SCRG1: variants seen among roughly 807,000 people sequenced by gnomAD.
SCRG1 encodes scrapie-responsive protein 1.
Under a neutral mutation model 7.7 loss-of-function variants are expected in SCRG1, and 3 were observed. The ratio of observed to expected loss-of-function variants is 0.39; its 90% CI spans 0.18 to 1.01. The LOEUF is 1.01. Among genes scored for constraint, SCRG1 ranks in the 50% least tolerant of loss-of-function variants. The pLI is 0.36. For missense variants in SCRG1, 110 were observed against 117.2 expected (o/e 0.94, Z 0.28); for synonymous variants, 46 against 41.2 (o/e 1.12, Z -0.44).
chr4:173,475,138 CAGAA>C, the SCRG1 span, among the ~76,000 whole-genome samples: 1 of 151,836 alleles, frequency 6.6e-6, no homozygotes, highest in African/African-American at 2.4e-5. Context: ...AGGAATGTGA[CAGAA>C]AGAGAAAAAA....
the SCRG1 span, among the ~76,000 whole-genome samples, chr4:173,509,831 G>A: frequency 6.6e-6 from 1 of 152,114 alleles, no homozygotes; most frequent in African/African-American, 2.4e-5. The surrounding 1 kb of genome is among the most constrained non-coding windows in gnomAD (Gnocchi z 5.7). Flanking sequence ...AAAACTGAGC[G>A]CCGGCTGGAA....
chr4:173,414,898 G>C, the SCRG1 span, among the ~76,000 whole-genome samples: 1 of 152,174 alleles, frequency 6.6e-6, no homozygotes, highest in African/African-American at 2.4e-5. Flanking sequence ...CTGCGTGCTT[G>C]CTTGCTATAG....
the SCRG1 span, among the ~76,000 whole-genome samples, chr4:173,517,491 C>T: frequency 3.4e-5 from 5 of 148,884 alleles, no homozygotes; most frequent in Non-Finnish European, 5.9e-5. Context: ...TTTTTTTTTT[C>T]TGGAGAGGGC....
At chr4:173,510,521 GAAGA>G in the SCRG1 span, among the ~76,000 whole-genome samples, 1 of 152,040 alleles carries the variant, frequency 6.6e-6, no homozygotes, top group African/African-American at 2.4e-5. This position sits in a 1 kb window ranked among gnomAD's most constrained non-coding sequence, Gnocchi z 5.7. Context: ...AGCTCTGTCA[GAAGA>G]TGGGACCTGG....
chr4:173,512,857 C>T, the SCRG1 span, among the ~76,000 whole-genome samples: 3 of 152,226 alleles, frequency 2.0e-5, no homozygotes, highest in African/African-American at 7.2e-5. Flanking sequence ...GTCATCCGCT[C>T]TTGTAGGGAA....
the SCRG1 span, among the ~76,000 whole-genome samples, chr4:173,461,472 C>G: frequency 6.6e-6 from 1 of 152,230 alleles, no homozygotes; most frequent in Non-Finnish European, 1.5e-5. Context: ...AAGGCAGTAT[C>G]TCTACGAGAC....
chr4:173,405,871 C>T (rs957472453), intron 1 of SCRG1, among the ~76,000 whole-genome samples: 9 of 152,170 alleles, frequency 5.9e-5, no homozygotes, highest in Admixed American at 6.6e-5. Context: ...GCCATTTCTC[C>T]AAGGAGCCCT....
At chr4:173,448,181 T>A in the SCRG1 span, among the ~76,000 whole-genome samples, 1 of 152,230 alleles carries the variant, frequency 6.6e-6, no homozygotes, top group Non-Finnish European at 1.5e-5. Flanking sequence ...ACCCAACTTA[T>A]AATAATGCAA....
chr4:173,509,245 G>T, the SCRG1 span, among the ~76,000 whole-genome samples: 1 of 152,288 alleles, frequency 6.6e-6, no homozygotes, highest in Non-Finnish European at 1.5e-5. This position sits in a 1 kb window ranked among gnomAD's most constrained non-coding sequence, Gnocchi z 5.7. Context: ...GCGCGCGCGC[G>T]TGCGGGAGCT....
chr4:173,405,401 C>T (rs746735193), intron 1 of SCRG1, among the ~76,000 whole-genome samples: 4 of 152,180 alleles, frequency 2.6e-5, no homozygotes, highest in African/African-American at 4.8e-5. Flanking sequence ...TGGCTCAAGT[C>T]GTTTTCGTTA....
At chr4:173,396,490 T>C (rs1739606558) in intron 1 of SCRG1, among the ~76,000 whole-genome samples, 1 of 152,206 alleles carries the variant, frequency 6.6e-6, no homozygotes. Flanking sequence ...TTCTTTTGTA[T>C]TGAAGCAGAG....
At chr4:173,455,489 G>T in the SCRG1 span, among the ~76,000 whole-genome samples, 1 of 152,082 alleles carries the variant, frequency 6.6e-6, no homozygotes, top group East Asian at 1.9e-4. Context: ...GCTGCCTATG[G>T]TGTGTCAGCC....
At chr4:173,498,021 G>A in the SCRG1 span, among the ~76,000 whole-genome samples, 55 of 152,116 alleles carry the variant, frequency 3.6e-4, no homozygotes, top group African/African-American at 1.2e-3. Flanking sequence ...TAGCTTCTTC[G>A]CCTTCTCCCA....
In SCRG1 at chr4:173,392,826, C is replaced by T. The variant is rs537003147; in HGVS notation, c.-14-1398G>A. On this transcript the variant is annotated intron_variant, in intron 1 of 2. Coordinates refer to ENST00000296506, the MANE Select transcript of SCRG1 (RefSeq NM_007281.4). ...TGTGGAATAGCCAGACGTGGTGGCT[C>T]ACACCTGTAATCCCAGCACTTTGGG... is the stretch of plus-strand genomic sequence containing the variant. 3.3e-5 allele frequency among the ~76,000 whole-genome samples: 5 copies of T among 152,266 alleles called. No individual in the cohort carries two copies. The East Asian group carries it at 9.7e-4, about 29-fold the overall frequency.
At chr4:173,441,496 C>T in the SCRG1 span, among the ~76,000 whole-genome samples, 1 of 152,156 alleles carries the variant, frequency 6.6e-6, no homozygotes. Flanking sequence ...CATGGAACAC[C>T]TGTAGACCTC....
chr4:173,444,821 A>G, the SCRG1 span, among the ~76,000 whole-genome samples: 9 of 152,192 alleles, frequency 5.9e-5, no homozygotes, highest in African/African-American at 1.7e-4. Context: ...ACAGGCTGAG[A>G]GAATCTCCGA....
chr4:173,511,947 A>G, the SCRG1 span, among the ~76,000 whole-genome samples: 1 of 152,194 alleles, frequency 6.6e-6, no homozygotes, highest in Non-Finnish European at 1.5e-5. The surrounding 1 kb of genome is among the most constrained non-coding windows in gnomAD (Gnocchi z 5.2). Flanking sequence ...GGTCTCCTGA[A>G]TACGGTGCTG....
chr4:173,463,817 G>A, the SCRG1 span, among the ~76,000 whole-genome samples: 1 of 152,144 alleles, frequency 6.6e-6, no homozygotes, highest in Non-Finnish European at 1.5e-5. Context: ...GAAGGTTGGG[G>A]AGAAGGAGCT....
At chr4:173,516,357 A>G in the SCRG1 span, among the ~76,000 whole-genome samples, 1 of 152,234 alleles carries the variant, frequency 6.6e-6, no homozygotes, top group African/African-American at 2.4e-5. Context: ...CACACCCTGC[A>G]ATGCAGAGAA....
Sources: allele counts gnomAD v4.1 joint callset (sites outside exome capture counted in the v4.1 genomes callset), GRCh38; gene constraint gnomAD v4.1.1; non-coding constraint Gnocchi (gnomAD v3.1); transcripts MANE v1.5; gene names NCBI Gene and HGNC (gene_info 2026-07-23, HGNC 2026-07-21).